CTNNA2: variants seen among roughly 807,000 people sequenced by gnomAD.
CTNNA2 encodes catenin alpha-2.
In CTNNA2, 42 loss-of-function variants were observed where a neutral mutation model predicts 101.0. The observed-to-expected ratio is 0.42, with a 90% CI of 0.32 to 0.54. CTNNA2 has a LOEUF of 0.54. CTNNA2 is among the 20% of genes least tolerant of loss of function. The pLI, the probability that CTNNA2 is intolerant of heterozygous loss-of-function variation, is 0.14. For synonymous variants in CTNNA2, 450 were observed against 456.4 expected (o/e 0.99, Z 0.18); for missense variants, 871 against 1,223.1 (o/e 0.71, Z 4.29).
chr2:80,394,219 A>C (rs1677790680), intron 8 of CTNNA2, among the ~76,000 whole-genome samples: 1 of 152,200 alleles, frequency 6.6e-6, no homozygotes, highest in African/African-American at 2.4e-5. Flanking sequence ...GCAGTGTGTT[A>C]AGTACAAACA....
intron 2 of CTNNA2, among the ~76,000 whole-genome samples, chr2:79,723,175 G>GTTC (rs35518732): frequency 0.5 from 76,318 of 151,650 alleles, 20,845 homozygotes; most frequent in African/African-American, 0.73. Flanking sequence ...GACCTGCGTA[G>GTTC]TTCATCTCAC....
chr2:79,632,601 G>T (rs866921127), intron 1 of CTNNA2, among the ~76,000 whole-genome samples: 8 of 152,286 alleles, frequency 5.3e-5, no homozygotes, highest in Middle Eastern at 3.4e-3. Context: ...TATGTTATGG[G>T]TTATTATATT....
At chr2:79,938,570 G>A (rs191596680) in intron 7 of CTNNA2, among the ~76,000 whole-genome samples, 46 of 152,266 alleles carry the variant, frequency 3.0e-4, no homozygotes, top group Non-Finnish European at 5.0e-4. Flanking sequence ...CGATCTGTTC[G>A]CATTATGCAC....
intron 2 of CTNNA2, among the ~76,000 whole-genome samples, chr2:79,223,449 C>T (rs1370313984): frequency 6.6e-6 from 1 of 152,184 alleles, no homozygotes; most frequent in East Asian, 1.9e-4. Context: ...ACATTGTGAA[C>T]TCTTCCTTCT....
chr2:79,621,053 G>A (rs1678964880), intron 1 of CTNNA2, among the ~76,000 whole-genome samples: 1 of 152,128 alleles, frequency 6.6e-6, no homozygotes, highest in South Asian at 2.1e-4. Context: ...TCACAGTGGT[G>A]ACCCTCATTG....
In CTNNA2 at chr2:80,394,668, G is replaced by A. The variant is rs77661379; in HGVS notation, c.1137+1377G>A. Among the ~76,000 whole-genome samples, 195 of 152,230 alleles carry A rather than the reference G, an allele frequency of 1.3e-3. 1 individual carries two copies. The highest frequency in any genetic ancestry group is 4.4e-3 in the African/African-American group (183 of 41,530). On this transcript the variant is annotated intron_variant, in intron 8 of 18. Coordinates refer to ENST00000402739, the MANE Select transcript of CTNNA2 (RefSeq NM_001282597.3). ...GCTGAATTAGATATCAGAGCCCTTGGTTTTAGTGTTAGCTCTGCCGCTAAA... is the reference window on the plus strand; with the variant it reads ...GCTGAATTAGATATCAGAGCCCTTGATTTTAGTGTTAGCTCTGCCGCTAAA...
intron 1 of CTNNA2, among the ~76,000 whole-genome samples, chr2:79,535,328 C>T (rs561342334): frequency 1.5e-4 from 23 of 152,078 alleles, no homozygotes; most frequent in East Asian, 9.7e-4. Context: ...CCTCAGCCTC[C>T]GGAGTAGCTG....
intron 6 of CTNNA2, among the ~76,000 whole-genome samples, chr2:79,899,054 T>G (rs1430051907): frequency 6.6e-6 from 1 of 152,108 alleles, no homozygotes; most frequent in East Asian, 1.9e-4. Context: ...AGGGGAGGCT[T>G]AACTTAGTCA....
intron 7 of CTNNA2, among the ~76,000 whole-genome samples, chr2:80,173,701 G>A (rs1573299269): frequency 6.6e-6 from 1 of 152,274 alleles, no homozygotes; most frequent in Middle Eastern, 3.4e-3. Context: ...TCAGAGGGAA[G>A]CAAGGTGCCA....
chr2:80,529,575 ATAT>A (rs1690345889), intron 9 of CTNNA2, among the ~76,000 whole-genome samples: 1 of 152,120 alleles, frequency 6.6e-6, no homozygotes, highest in South Asian at 2.1e-4. Flanking sequence ...CACCTGAAAA[ATAT>A]TATTGGTGTT....
chr2:79,577,661 A>G lies in CTNNA2; in HGVS notation c.-6+64454A>G, dbSNP rs13412947. On this transcript the variant is annotated intron_variant, in intron 1 of 18. Coordinates refer to ENST00000402739, the MANE Select transcript of CTNNA2 (RefSeq NM_001282597.3). ...TTAATTACTTTGGTGCTTTAAAATA[A>G]CAGTGACTTTTTCCTCCCATGATTT... Among the ~76,000 whole-genome samples, 323 of 152,264 alleles carry G rather than the reference A, an allele frequency of 2.1e-3. 1 individual carries two copies. Among genetic ancestry groups the G allele is most frequent in the African/African-American group, 7.2e-3 (300 of 41,570 alleles).
At chr2:79,832,453 A>G (rs1415080652) in intron 3 of CTNNA2, among the ~76,000 whole-genome samples, 2 of 152,204 alleles carry the variant, frequency 1.3e-5, no homozygotes, top group African/African-American at 4.8e-5. Flanking sequence ...GGGCAATTAA[A>G]TTACAAATAT....
intron 4 of CTNNA2, among the ~76,000 whole-genome samples, chr2:79,492,412 A>C (rs999368100): frequency 1.3e-5 from 2 of 151,922 alleles, no homozygotes; most frequent in Non-Finnish European, 1.5e-5. Flanking sequence ...TCAGACAATG[A>C]AATTTATGGA....
chr2:79,995,831 T>A (rs1692501321), intron 7 of CTNNA2, among the ~76,000 whole-genome samples: 1 of 152,112 alleles, frequency 6.6e-6, no homozygotes, highest in Admixed American at 6.6e-5. Flanking sequence ...ATATGCATTG[T>A]CCTTTGGAAT....
chr2:80,533,098 A>G (rs1690682460), intron 9 of CTNNA2, among the ~76,000 whole-genome samples: 1 of 152,224 alleles, frequency 6.6e-6, no homozygotes, highest in South Asian at 2.1e-4. Flanking sequence ...CTATGTGTGT[A>G]TCTTTGATTT....
intron 4 of CTNNA2, among the ~76,000 whole-genome samples, chr2:79,424,453 C>G (rs1678571960): frequency 6.6e-6 from 1 of 152,132 alleles, no homozygotes; most frequent in Non-Finnish European, 1.5e-5. Flanking sequence ...CATGATGCAT[C>G]TTTCAGTGAA....
intron 7 of CTNNA2, among the ~76,000 whole-genome samples, chr2:80,065,261 G>A (rs1365068109): frequency 6.6e-6 from 1 of 152,102 alleles, no homozygotes; most frequent in East Asian, 1.9e-4. Flanking sequence ...GGGGACAGAT[G>A]AGGATCTTCT....
intron 4 of CTNNA2, among the ~76,000 whole-genome samples, chr2:79,451,681 A>G (rs970075697): frequency 2.0e-5 from 3 of 151,458 alleles, no homozygotes; most frequent in Admixed American, 6.6e-5. Context: ...TCAGTTTAAG[A>G]CTCTATCTCA....
chr2:80,577,812 G>A (rs1274078464), intron 13 of CTNNA2, among the ~76,000 whole-genome samples: 2 of 151,052 alleles, frequency 1.3e-5, no homozygotes, highest in Non-Finnish European at 2.9e-5. Flanking sequence ...AAGCTCTCCT[G>A]CCAACCTATA....
Sources: gnomAD v4.1 joint callset for allele counts (sites outside exome capture counted in the v4.1 genomes callset) on GRCh38, gnomAD v4.1.1 for gene constraint, MANE v1.5 for transcripts, NCBI Gene and HGNC (gene_info 2026-07-23, HGNC 2026-07-21) for gene names.